The following MGAT4C variants were observed in gnomAD, a reference collection of about 807,000 sequenced individuals.
MGAT4C encodes the protein MGAT4 family member C.
In MGAT4C, 19 loss-of-function variants were observed where a neutral mutation model predicts 40.1. The observed-to-expected ratio is 0.47, with a 90% CI of 0.33 to 0.70. The LOEUF (loss-of-function observed/expected upper bound fraction) is 0.70, where lower values mean the gene tolerates loss of function less well. MGAT4C is among the 30% of genes least tolerant of loss of function. MGAT4C has a pLI of 0.02. For missense variants in MGAT4C, 491 were observed against 563.2 expected (o/e 0.87, Z 1.30); for synonymous variants, 181 against 187.1 (o/e 0.97, Z 0.27).
intron 3 of MGAT4C, among the ~76,000 whole-genome samples, chr12:86,397,260 G>A (rs541115523): frequency 1.3e-5 from 2 of 152,098 alleles, no homozygotes; most frequent in South Asian, 4.2e-4. Flanking sequence ...TAATATATAT[G>A]TATGAAGTAA....
intron 2 of MGAT4C, among the ~76,000 whole-genome samples, chr12:86,585,245 A>T (rs1960966881): frequency 6.6e-6 from 1 of 151,468 alleles, no homozygotes; most frequent in Non-Finnish European, 1.5e-5. Flanking sequence ...TTCAAAATTA[A>T]TTCATTATTA....
chr12:85,991,436 C>T (rs2136726983), intron 2 of MGAT4C, among the ~76,000 whole-genome samples: 1 of 152,276 alleles, frequency 6.6e-6, no homozygotes, highest in Non-Finnish European at 1.5e-5. Context: ...CTTCACCAGC[C>T]TGAAGGTGGG....
intron 1 of MGAT4C, among the ~76,000 whole-genome samples, chr12:86,203,787 G>A (rs61948998): frequency 0.072 from 10,931 of 151,122 alleles, 558 homozygotes; most frequent in Middle Eastern, 0.22. Flanking sequence ...GTGAAACCCC[G>A]TCTCTACTAC....
chr12:86,804,749 T>C (rs1190120703), intron 1 of MGAT4C, among the ~76,000 whole-genome samples: 1 of 152,026 alleles, frequency 6.6e-6, no homozygotes, highest in Non-Finnish European at 1.5e-5. Context: ...ATTTGCACAT[T>C]TCTCAACAGT....
chr12:86,498,042 C>T (rs982618668), intron 2 of MGAT4C, among the ~76,000 whole-genome samples: 1 of 147,606 alleles, frequency 6.8e-6, no homozygotes, highest in Non-Finnish European at 1.5e-5. Context: ...TTTATTCTAA[C>T]CTGTGCTTAT....
At chr12:86,687,095 T>C (rs936724376) in intron 2 of MGAT4C, among the ~76,000 whole-genome samples, 2 of 152,240 alleles carry the variant, frequency 1.3e-5, no homozygotes, top group South Asian at 2.1e-4. Flanking sequence ...TCCAGGAATT[T>C]ATCCATTTCT....
At chr12:86,203,134 A>G (rs991903245) in intron 1 of MGAT4C, among the ~76,000 whole-genome samples, 1 of 151,974 alleles carries the variant, frequency 6.6e-6, no homozygotes, top group Non-Finnish European at 1.5e-5. Context: ...TTCTTTCTTT[A>G]TATGGTACTG....
intron 2 of MGAT4C, among the ~76,000 whole-genome samples, chr12:86,046,604 T>C (rs137939857): frequency 3.8e-3 from 571 of 152,236 alleles, no homozygotes; most frequent in African/African-American, 0.013. Flanking sequence ...ACCTATAGAC[T>C]CATGGGGCAA....
At position 86,511,616 on chromosome 12, in the gene MGAT4C, A is replaced by C. The variant is rs190485163; in HGVS notation, c.-228-76351T>G. Among the ~76,000 whole-genome samples the C allele has an allele frequency of 1.2e-4, 19 of 152,266 alleles. No homozygotes were observed. In the East Asian group the frequency reaches 3.7e-3, roughly 29 times the overall value. On this transcript the variant is annotated intron_variant, in intron 2 of 7. Transcript: ENST00000548651. ...AAATCCACAAATATACAGTCAACTG[A>C]TCTTTGATCGGGGGCTAAGAATATA...
At chr12:86,013,418 C>T (rs1279727459) in intron 2 of MGAT4C, among the ~76,000 whole-genome samples, 5 of 151,900 alleles carry the variant, frequency 3.3e-5, no homozygotes, top group African/African-American at 1.2e-4. Flanking sequence ...ATTTCTTGTA[C>T]CAAGTAATGT....
chr12:86,194,574 C>A (rs896402321), intron 1 of MGAT4C, among the ~76,000 whole-genome samples: 6 of 151,786 alleles, frequency 4.0e-5, no homozygotes, highest in African/African-American at 1.5e-4. Flanking sequence ...CCTGTCTCAG[C>A]CTCCCTAGTA....
At chr12:86,817,793 A>G in intron 1 of MGAT4C, among the ~76,000 whole-genome samples, 1 of 151,404 alleles carries the variant, frequency 6.6e-6, no homozygotes, top group East Asian at 1.9e-4. Flanking sequence ...TCACAGTAGT[A>G]CTCTTTGCAA....
At chr12:86,577,943 C>T (rs551138542) in intron 2 of MGAT4C, among the ~76,000 whole-genome samples, 2 of 151,784 alleles carry the variant, frequency 1.3e-5, no homozygotes, top group African/African-American at 2.4e-5. Flanking sequence ...TAAGACAGCT[C>T]ATACAATGGT....
chr12:86,816,812 C>A (rs375648087), intron 1 of MGAT4C, among the ~76,000 whole-genome samples: 2 of 151,394 alleles, frequency 1.3e-5, no homozygotes, highest in East Asian at 1.9e-4. Flanking sequence ...TTGTCTTGAT[C>A]GAACTAATCA....
chr12:85,999,942 T>C (rs1887116304), intron 2 of MGAT4C, among the ~76,000 whole-genome samples: 1 of 152,186 alleles, frequency 6.6e-6, no homozygotes. Flanking sequence ...TGCAGTCTAT[T>C]ACACATTAGG....
At chr12:86,678,814 T>C (rs1949920778) in intron 2 of MGAT4C, among the ~76,000 whole-genome samples, 2 of 152,152 alleles carry the variant, frequency 1.3e-5, no homozygotes, top group South Asian at 4.1e-4. Context: ...CACATTTTCT[T>C]AATCCAGTCT....
intron 2 of MGAT4C, among the ~76,000 whole-genome samples, chr12:86,577,851 G>A (rs1565861021): frequency 6.6e-6 from 1 of 151,576 alleles, no homozygotes; most frequent in East Asian, 1.9e-4. Context: ...CTTCAAATAT[G>A]TTTTTTTATT....
intron 3 of MGAT4C, among the ~76,000 whole-genome samples, chr12:86,427,975 G>T (rs1226594081): frequency 6.6e-6 from 1 of 151,856 alleles, no homozygotes; most frequent in South Asian, 2.1e-4. Context: ...AGCTGAGATC[G>T]TGTCCCTGCA....
intron 1 of MGAT4C, among the ~76,000 whole-genome samples, chr12:86,774,343 C>CTTTCTTTCTTTCTT: frequency 1.8e-5 from 1 of 54,562 alleles, no homozygotes; most frequent in Non-Finnish European, 4.4e-5. Flanking sequence ...TTCTTTCTGT[C>CTTTCTTTCTTTCTT]TCTCTCTCTC....
Sources: gnomAD v4.1 joint callset for allele counts (sites outside exome capture counted in the v4.1 genomes callset) on GRCh38, gnomAD v4.1.1 for gene constraint, MANE v1.5 for transcripts, NCBI Gene and HGNC (gene_info 2026-07-23, HGNC 2026-07-21) for gene names.